The following MBTPS1 variants were observed in gnomAD, a reference collection of about 807,000 sequenced individuals.
The protein encoded by MBTPS1 is membrane bound transcription factor peptidase, site 1.
MBTPS1 carries 94 observed loss-of-function variants against 127.8 expected under a neutral mutation model. That is an observed-to-expected ratio of 0.74 (90% CI 0.62 to 0.87). The LOEUF (loss-of-function observed/expected upper bound fraction) is 0.87. MBTPS1 is among the 40% of genes least tolerant of loss of function. The pLI, the probability that MBTPS1 is intolerant of heterozygous loss-of-function variation, is 0.00. For missense variants in MBTPS1, 1,636 were observed against 1,353.2 expected, an observed-to-expected ratio of 1.21 and a Z score of -3.28; for synonymous variants, 632 against 509.4, an observed-to-expected ratio of 1.24 and a Z score of -3.24.
chr16:84,066,466 G>A (rs112283345), intron 17 of MBTPS1, 23 bp downstream of exon 17: 18 of 1,611,786 alleles, frequency 1.1e-5, no homozygotes, highest in African/African-American at 5.4e-5. Context: ...CTAAGACCAC[G>A]CCCTCAGGAA....
intron 16 of MBTPS1, 45 bp from the exon 17 acceptor site, chr16:84,066,658 A>G (rs757131134): frequency 2.5e-6 from 4 of 1,592,864 alleles, no homozygotes; most frequent in Non-Finnish European, 3.4e-6. Flanking sequence ...GAATGAAGAC[A>G]CTCCATACAC....
chr16:84,102,240 G>A (rs535504279), intron 1 of MBTPS1, 133 bp from the exon 2 acceptor site: 1 of 153,190 alleles, frequency 6.5e-6, no homozygotes, highest in African/African-American at 2.4e-5. Flanking sequence ...TCAGCTGCTT[G>A]GGAGGCTGAG....
At chr16:84,080,012 G>A (rs934879589) in intron 11 of MBTPS1, among the ~76,000 whole-genome samples, 8 of 152,336 alleles carry the variant, frequency 5.3e-5, no homozygotes, top group African/African-American at 1.9e-4. Flanking sequence ...CAAGGCTAGA[G>A]CACAGAGGTG....
At chr16:84,069,809 G>C (rs910884372) in intron 14 of MBTPS1, 57 bp downstream of exon 14, 18 of 1,476,346 alleles carry the variant, frequency 1.2e-5, no homozygotes, top group Non-Finnish European at 1.6e-5. Context: ...GGGAACAGTG[G>C]TGCCTCCTCC....
At chr16:84,100,221 G>A (rs1256663556) in intron 2 of MBTPS1, among the ~76,000 whole-genome samples, 2 of 152,118 alleles carry the variant, frequency 1.3e-5, no homozygotes, top group African/African-American at 2.4e-5. Flanking sequence ...AGACCAGCCT[G>A]GGCAACATGG....
At chr16:84,115,263 A>G (rs2086458075) in intron 1 of MBTPS1, among the ~76,000 whole-genome samples, 1 of 152,108 alleles carries the variant, frequency 6.6e-6, no homozygotes. Flanking sequence ...TGACTAGAAG[A>G]GCTCCCACTT....
chr16:84,084,888 G>A, intron 10 of MBTPS1, 95 bp downstream of exon 10: 1 of 1,391,522 alleles, frequency 7.2e-7, no homozygotes, highest in Non-Finnish European at 9.9e-7. Flanking sequence ...TCAAACCCAA[G>A]ACAGGGCAGA....
rs148778885 is a variant in MBTPS1 at position 84,089,386 on chromosome 16, G to A, written c.1031+1489C>T. 6.0e-3 allele frequency among the ~76,000 whole-genome samples: 920 copies of A among 152,286 alleles called. 7 individuals are homozygous for A. Among genetic ancestry groups the A allele is most frequent in the Non-Finnish European group, 0.01 (698 of 68,034 alleles). On this transcript the variant is annotated intron_variant, in intron 8 of 22. Transcript: ENST00000343411. The stretch of plus-strand genomic sequence containing the variant: ...AATATTTATTATCTGACCCTTTACA[G>A]AAAAAGTTTGCAATTCAGCCTAGAA...
intron 11 of MBTPS1, among the ~76,000 whole-genome samples, chr16:84,079,035 T>C (rs1364060899): frequency 6.6e-6 from 1 of 152,224 alleles, no homozygotes; most frequent in East Asian, 1.9e-4. Flanking sequence ...AGACCCCTCA[T>C]GGGTGGTTTA....
At chr16:84,107,457 C>T (rs557076250) in intron 1 of MBTPS1, among the ~76,000 whole-genome samples, 7 of 152,218 alleles carry the variant, frequency 4.6e-5, no homozygotes, top group African/African-American at 1.4e-4. Context: ...GACTTGCTTG[C>T]GTTCCTAAAA....
intron 22 of MBTPS1, 72 bp downstream of exon 22, chr16:84,055,933 G>GC: frequency 6.5e-7 from 1 of 1,532,614 alleles, no homozygotes; most frequent in Non-Finnish European, 8.9e-7. Context: ...CCGCCTCCTG[G>GC]GGAGGGAGGG....
chr16:84,065,761 T>A lies in MBTPS1; in HGVS notation c.2360A>T (p.Tyr787Phe). Residue 787 changes from tyrosine to phenylalanine, a missense_variant, in exon 18 of 23, where the codon TAT (tyrosine) becomes TTT (phenylalanine). Coordinates refer to ENST00000343411, the MANE Select transcript of MBTPS1 (RefSeq NM_003791.4). ...CTTCGCGATGCTGCACCCTGACGCATAATACACTAGGAAAGAGTGTTCAAA... is the reference window on the plus strand; with the variant it reads ...CTTCGCGATGCTGCACCCTGACGCAAAATACACTAGGAAAGAGTGTTCAAA... Reference protein sequence around the residue: ...EFTLANHDMYYASGCSIAKFP... With the variant: ...EFTLANHDMYFASGCSIAKFP... 1 of 1,598,538 alleles carries A rather than the reference T, an allele frequency of 6.3e-7. No homozygotes were observed. Among genetic ancestry groups the A allele is most frequent in the Non-Finnish European group, 8.5e-7 (1 of 1,174,180 alleles).
At chr16:84,079,505 T>C (rs1051902887) in intron 11 of MBTPS1, among the ~76,000 whole-genome samples, 1 of 152,164 alleles carries the variant, frequency 6.6e-6, no homozygotes, top group Non-Finnish European at 1.5e-5. Context: ...ATAACTGTAT[T>C]CTGTAGGGCC....
chr16:84,081,924 A>C lies in MBTPS1; in HGVS notation c.1287-16T>G. 1.5e-6 allele frequency: 2 copies of C among 1,357,350 alleles called. No homozygotes were observed. Among genetic ancestry groups the C allele is most frequent in the Non-Finnish European group, 1.9e-6 (2 of 1,043,354 alleles). The allele number at this position is 1,357,350 out of a possible 1,614,324, so 84.1% of individuals were successfully genotyped here. On this transcript the variant is annotated splice_polypyrimidine_tract_variant and intron_variant, in intron 10 of 22. Transcript: ENST00000343411. ...CTGGACTGTGCTGGAGGAAAAATCA[A>C]GAATTGCCTATTTTCTCTCAGTAAA...
chr16:84,091,495 A>G (rs2086106354), intron 7 of MBTPS1, among the ~76,000 whole-genome samples: 1 of 151,684 alleles, frequency 6.6e-6, no homozygotes, highest in Non-Finnish European at 1.5e-5. Flanking sequence ...TCAAAAAAAA[A>G]AAAAAAAAAA....
intron 18 of MBTPS1, among the ~76,000 whole-genome samples, chr16:84,064,787 G>C (rs1045866129): frequency 4.6e-5 from 7 of 152,178 alleles, no homozygotes; most frequent in Admixed American, 6.5e-5. Context: ...CACAGATCCA[G>C]TTACTGATCA....
At chr16:84,087,511 G>C (rs1362516336) in intron 8 of MBTPS1, 51 bp from the exon 9 acceptor site, 4 of 1,217,616 alleles carry the variant, frequency 3.3e-6, no homozygotes, top group Non-Finnish European at 4.7e-6. Flanking sequence ...AAAAAAACAA[G>C]AGAAATAATT....
intron 9 of MBTPS1, among the ~76,000 whole-genome samples, 184 bp downstream of exon 9, chr16:84,087,174 G>A (rs964694449): frequency 1.1e-4 from 16 of 152,282 alleles, no homozygotes; most frequent in African/African-American, 3.4e-4. Flanking sequence ...AGTGGCAGAT[G>A]CTGACGGGGC....
chr16:84,062,189 C>T (rs3759973), intron 19 of MBTPS1, among the ~76,000 whole-genome samples: 30,233 of 152,096 alleles, frequency 0.2, 3,553 homozygotes, highest in Non-Finnish European at 0.27. Flanking sequence ...GGCACGATCT[C>T]GGCTCACTGC....
Sources: allele counts gnomAD v4.1 joint callset (sites outside exome capture counted in the v4.1 genomes callset), GRCh38; gene constraint gnomAD v4.1.1; transcripts MANE v1.5; gene names NCBI Gene and HGNC (gene_info 2026-07-23, HGNC 2026-07-21).